ADARB2: variants seen among roughly 807,000 people sequenced by gnomAD.
ADARB2 encodes the protein adenosine deaminase RNA specific B2 (inactive), also known as inactive double-stranded RNA-specific editase B2.
A neutral mutation model predicts 62.2 loss-of-function variants in ADARB2; 25 were observed. The observed-to-expected ratio is 0.40, with a 90% CI of 0.29 to 0.56. The LOEUF (loss-of-function observed/expected upper bound fraction) is 0.56. Among genes scored for constraint, ADARB2 ranks in the 20% least tolerant of loss-of-function variants. The pLI, the probability that ADARB2 is intolerant of heterozygous loss-of-function variation, is 0.43. For synonymous variants in ADARB2, 572 were observed against 500.8 expected (o/e 1.14, Z -1.90); for missense variants, 1,071 against 1,077.4 (o/e 0.99, Z 0.08).
At chr10:1,208,735 G>C (rs566713726) in intron 7 of ADARB2, among the ~76,000 whole-genome samples, 10 of 152,348 alleles carry the variant, frequency 6.6e-5, no homozygotes, top group African/African-American at 2.4e-4. Context: ...AGTCAGTCGT[G>C]TTTGCTGAGC....
intron 1 of ADARB2, among the ~76,000 whole-genome samples, chr10:1,619,320 C>A (rs1833681748): frequency 2.0e-5 from 3 of 149,360 alleles, no homozygotes; most frequent in Non-Finnish European, 1.5e-5. Context: ...AAAAAATACG[C>A]ACCATACAAT....
intron 3 of ADARB2, among the ~76,000 whole-genome samples, chr10:1,328,633 G>A (rs1276633288): frequency 6.6e-6 from 1 of 152,068 alleles, no homozygotes; most frequent in Non-Finnish European, 1.5e-5. Flanking sequence ...ATGGGATTAT[G>A]CCAGCGTAAA....
chr10:1,574,009 G>A (rs1169305919), intron 1 of ADARB2, among the ~76,000 whole-genome samples: 5 of 152,174 alleles, frequency 3.3e-5, no homozygotes, highest in South Asian at 4.1e-4. Context: ...CAAGACCTCC[G>A]TGATGTCCCT....
intron 3 of ADARB2, among the ~76,000 whole-genome samples, chr10:1,275,002 G>A (rs547708258): frequency 6.6e-6 from 1 of 152,338 alleles, no homozygotes; most frequent in South Asian, 2.1e-4. Context: ...CCGTGGTGGA[G>A]CCTGGCCACC....
chr10:1,564,260 GT>G (rs2131988127), intron 1 of ADARB2, among the ~76,000 whole-genome samples: 1 of 152,302 alleles, frequency 6.6e-6, no homozygotes, highest in South Asian at 2.1e-4. Context: ...GTGTAAAAGT[GT>G]TCCTATTTCT....
chr10:1,260,052 C>G (rs540697667), intron 4 of ADARB2, among the ~76,000 whole-genome samples: 111 of 152,288 alleles, frequency 7.3e-4, no homozygotes, highest in African/African-American at 2.1e-3. Flanking sequence ...GCAAAAACCA[C>G]ATGATTATCT....
Position 1,618,021 on chromosome 10 carries a change from C to A in ADARB2, c.100+119030G>T, listed in dbSNP as rs533608234. On this transcript the variant is annotated intron_variant, in intron 1 of 9. Transcript: ENST00000381312. ...GGCTGCATCTCCCCGGGAGCTTCAT[C>A]ATGCCCTTTAGTTTCTGTGACATTC... 1.3e-3 allele frequency among the ~76,000 whole-genome samples: 193 copies of A among 152,358 alleles called. 2 individuals carry two copies. The highest frequency in any genetic ancestry group is 4.3e-3 in the African/African-American group (177 of 41,566).
At chr10:1,718,392 C>T (rs1835047925) in intron 1 of ADARB2, among the ~76,000 whole-genome samples, 1 of 152,186 alleles carries the variant, frequency 6.6e-6, no homozygotes, top group Admixed American at 6.5e-5. Flanking sequence ...TCCCAGTGTT[C>T]TTGGGCACCT....
chr10:1,614,694 G>C (rs567051390), intron 1 of ADARB2, among the ~76,000 whole-genome samples: 1 of 152,286 alleles, frequency 6.6e-6, no homozygotes, highest in African/African-American at 2.4e-5. Flanking sequence ...GGCGGATCAC[G>C]AGTTCAGGAG....
At chr10:1,260,734 A>C (rs1418243211) in intron 4 of ADARB2, among the ~76,000 whole-genome samples, 44 of 144,034 alleles carry the variant, frequency 3.1e-4, no homozygotes, top group Middle Eastern at 6.9e-3. Flanking sequence ...TGCCCAAGGT[A>C]ATTTACAGAT....
At chr10:1,421,145 G>A (rs959219190) in intron 1 of ADARB2, among the ~76,000 whole-genome samples, 3 of 151,974 alleles carry the variant, frequency 2.0e-5, no homozygotes, top group African/African-American at 4.8e-5. Context: ...GGAGGAGGGC[G>A]GGGGCTCCTT....
At chr10:1,323,270 ACT>A (rs1021588262) in intron 3 of ADARB2, among the ~76,000 whole-genome samples, 2 of 146,238 alleles carry the variant, frequency 1.4e-5, no homozygotes, top group Non-Finnish European at 3.0e-5. Context: ...AAAAAAAAAC[ACT>A]GTTAGGATAT....
chr10:1,620,230 T>A (rs1379036698), intron 1 of ADARB2, among the ~76,000 whole-genome samples: 1 of 152,034 alleles, frequency 6.6e-6, no homozygotes, highest in Non-Finnish European at 1.5e-5. Context: ...CAAATTGACA[T>A]ATTTAGATTG....
chr10:1,531,967 G>A (rs1388506252), intron 1 of ADARB2, among the ~76,000 whole-genome samples: 1 of 152,146 alleles, frequency 6.6e-6, no homozygotes, highest in Non-Finnish European at 1.5e-5. Context: ...TTTTCTGTGT[G>A]TTGTTTTCAA....
chr10:1,295,574 C>T (rs962082394), intron 3 of ADARB2, among the ~76,000 whole-genome samples: 3 of 152,122 alleles, frequency 2.0e-5, no homozygotes, highest in Admixed American at 6.5e-5. Flanking sequence ...AGTCTGGGCT[C>T]TGAGCTGACG....
chr10:1,644,023 C>T (rs1396266246), intron 1 of ADARB2, among the ~76,000 whole-genome samples: 1 of 152,156 alleles, frequency 6.6e-6, no homozygotes, highest in South Asian at 2.1e-4. Context: ...CGGCCCCACT[C>T]GGCCCAAGGT....
intron 1 of ADARB2, among the ~76,000 whole-genome samples, chr10:1,506,119 T>C (rs769845244): frequency 2.7e-5 from 4 of 149,168 alleles, no homozygotes; most frequent in Non-Finnish European, 4.5e-5. Context: ...GCATGTCACC[T>C]ATTGGACTTT....
chr10:1,525,006 A>G (rs1465705057), intron 1 of ADARB2, among the ~76,000 whole-genome samples: 1 of 152,164 alleles, frequency 6.6e-6, no homozygotes. Flanking sequence ...GCTAGCTGCC[A>G]ATTTAAGTAA....
intron 5 of ADARB2, 110 bp downstream of exon 5, chr10:1,242,021 G>A: frequency 8.3e-7 from 1 of 1,204,866 alleles, no homozygotes; most frequent in South Asian, 1.5e-5. Context: ...CTCACCCTGT[G>A]CCAGGATAGA....
Sources: gnomAD v4.1 joint callset for allele counts (sites outside exome capture counted in the v4.1 genomes callset) on GRCh38, gnomAD v4.1.1 for gene constraint, MANE v1.5 for transcripts, NCBI Gene and HGNC (gene_info 2026-07-23, HGNC 2026-07-21) for gene names.